Variants in ELMO1 observed in about 807,000 individuals in gnomAD.
The protein encoded by ELMO1 is engulfment and cell motility 1, also known as engulfment and cell motility protein 1.
Under a neutral mutation model 98.9 loss-of-function variants are expected in ELMO1, and 26 were observed. That is an observed-to-expected ratio of 0.26 (90% CI 0.19 to 0.36). ELMO1 has a LOEUF of 0.36. Ranked by LOEUF, ELMO1 falls within the 10% of genes least tolerant of loss-of-function variation. ELMO1 has a pLI of 1.00. For missense variants in ELMO1, 627 were observed against 935.2 expected (o/e 0.67, Z 4.30); for synonymous variants, 346 against 346.0 (o/e 1.00, Z 0.00).
intron 6 of ELMO1, among the ~76,000 whole-genome samples, chr7:37,247,550 T>G (rs971189447): frequency 6.6e-6 from 1 of 152,218 alleles, no homozygotes; most frequent in African/African-American, 2.4e-5. Context: ...AATTTTCACA[T>G]CTGTATGAGA....
At chr7:37,397,343 T>G (rs952238072) in intron 1 of ELMO1, among the ~76,000 whole-genome samples, 6 of 152,248 alleles carry the variant, frequency 3.9e-5, no homozygotes, top group Non-Finnish European at 8.8e-5. Context: ...CTCAAAGGTT[T>G]GACAGAAAAT....
At chr7:37,272,021 G>C (rs113426304) in intron 4 of ELMO1, 139 bp from the exon 5 acceptor site, 35 of 713,880 alleles carry the variant, frequency 4.9e-5, no homozygotes, top group Non-Finnish European at 6.9e-5. Flanking sequence ...TTTCTATAAA[G>C]GCTGTTAACT....
intron 14 of ELMO1, among the ~76,000 whole-genome samples, chr7:37,102,376 C>A (rs1784691217): frequency 6.6e-6 from 1 of 152,102 alleles, no homozygotes; most frequent in South Asian, 2.1e-4. Flanking sequence ...CATGTCCAAG[C>A]CCTAATAGGA....
At chr7:37,270,055 G>A (rs970661017) in intron 5 of ELMO1, 2 of 152,226 alleles carry the variant, frequency 1.3e-5, no homozygotes, top group South Asian at 4.1e-4. Context: ...TGAAATAAAA[G>A]GCAAGGTCTA....
chr7:37,298,315 T>A (rs1431575253), intron 4 of ELMO1, among the ~76,000 whole-genome samples: 17 of 106,530 alleles, frequency 1.6e-4, no homozygotes, highest in East Asian at 8.3e-4. Flanking sequence ...TTTTTTTTTT[T>A]ATTATACTTT....
chr7:37,227,958 A>T (rs1237526748), intron 8 of ELMO1, among the ~76,000 whole-genome samples: 1 of 152,254 alleles, frequency 6.6e-6, no homozygotes, highest in East Asian at 1.9e-4. Flanking sequence ...TGACATAAAT[A>T]AACTAATCAT....
At chr7:36,868,555 C>T (rs975809167) in intron 20 of ELMO1, among the ~76,000 whole-genome samples, 1 of 152,098 alleles carries the variant, frequency 6.6e-6, no homozygotes, top group African/African-American at 2.4e-5. Context: ...CTATGTTGGC[C>T]AGGCTGCTGG....
At chr7:37,048,382 G>A (rs778539542) in intron 15 of ELMO1, among the ~76,000 whole-genome samples, 68 of 152,036 alleles carry the variant, frequency 4.5e-4, no homozygotes, top group Non-Finnish European at 8.7e-4. Flanking sequence ...TAAAAAATAA[G>A]GCAACCAGTT....
chr7:36,989,022 G>C (rs920061635), intron 16 of ELMO1, among the ~76,000 whole-genome samples: 1 of 152,142 alleles, frequency 6.6e-6, no homozygotes, highest in African/African-American at 2.4e-5. Context: ...GTGATTTGTT[G>C]GGTTGATCTA....
chr7:37,014,518 G>A (rs1350471533), intron 15 of ELMO1, among the ~76,000 whole-genome samples: 1 of 152,092 alleles, frequency 6.6e-6, no homozygotes, highest in Non-Finnish European at 1.5e-5. Flanking sequence ...TGGTTTGCAT[G>A]AGAGCTGGAT....
chr7:37,216,571 G>A, intron 11 of ELMO1, 74 bp downstream of exon 11: 1 of 1,549,630 alleles, frequency 6.5e-7, no homozygotes, highest in Non-Finnish European at 8.9e-7. Flanking sequence ...ACAGACTGAA[G>A]CCAAAAGAAG....
At chr7:37,170,159 C>T (rs942060869) in intron 13 of ELMO1, among the ~76,000 whole-genome samples, 1 of 152,226 alleles carries the variant, frequency 6.6e-6, no homozygotes, top group African/African-American at 2.4e-5. Context: ...CTCACCTCGG[C>T]CTCCCAAAGT....
At chr7:37,383,248 T>C (rs1176989942) in intron 1 of ELMO1, among the ~76,000 whole-genome samples, 1 of 152,234 alleles carries the variant, frequency 6.6e-6, no homozygotes, top group Admixed American at 6.5e-5. Flanking sequence ...GTGTCTTTAA[T>C]CTCCTTTAGT....
At chr7:37,224,356 G>A (rs1173771430) in intron 9 of ELMO1, among the ~76,000 whole-genome samples, 1 of 152,144 alleles carries the variant, frequency 6.6e-6, no homozygotes, top group Admixed American at 6.5e-5. Flanking sequence ...TATAGCTCAA[G>A]CCACTAGAAA....
chr7:36,991,512 A>C (rs1791877418), intron 16 of ELMO1, among the ~76,000 whole-genome samples: 1 of 152,224 alleles, frequency 6.6e-6, no homozygotes, highest in African/African-American at 2.4e-5. Context: ...ATCATTTTAC[A>C]TGGTGCATTT....
chr7:37,370,552 C>T (rs556048057), intron 1 of ELMO1, among the ~76,000 whole-genome samples: 28 of 151,972 alleles, frequency 1.8e-4, no homozygotes, highest in African/African-American at 6.8e-4. Flanking sequence ...ATTTAGTACA[C>T]AAAATATATA....
chr7:37,414,550 C>T (rs1019267839), intron 1 of ELMO1, among the ~76,000 whole-genome samples: 2 of 152,184 alleles, frequency 1.3e-5, no homozygotes, highest in Admixed American at 1.3e-4. Flanking sequence ...CTGATCGCCA[C>T]CCTGCTGGTG....
intron 16 of ELMO1, among the ~76,000 whole-genome samples, chr7:36,998,549 C>T (rs895372963): frequency 6.6e-6 from 1 of 151,904 alleles, no homozygotes; most frequent in Non-Finnish European, 1.5e-5. Flanking sequence ...ATGTCTGTAT[C>T]TATATCTGTA....
intron 13 of ELMO1, among the ~76,000 whole-genome samples, chr7:37,201,166 C>T (rs934252149): frequency 3.9e-5 from 6 of 152,014 alleles, no homozygotes; most frequent in African/African-American, 1.4e-4. Flanking sequence ...ACCTGAGAAC[C>T]ACATGTCAAG....
Sources: gnomAD v4.1 joint callset for allele counts (sites outside exome capture counted in the v4.1 genomes callset) on GRCh38, gnomAD v4.1.1 for gene constraint, MANE v1.5 for transcripts, NCBI Gene and HGNC (gene_info 2026-07-23, HGNC 2026-07-21) for gene names.